Variants in USH2A observed in about 807,000 individuals in gnomAD.
USH2A encodes usherin, also known as Usher syndrome 2A (autosomal recessive, mild).
USH2A carries 443 observed loss-of-function variants against 538.9 expected under a neutral mutation model. The observed-to-expected ratio is 0.82, with a 90% confidence interval of 0.76 to 0.89. USH2A has a LOEUF of 0.89. Among genes scored for constraint, USH2A ranks in the 40% least tolerant of loss-of-function variants. The pLI is 0.00. For synonymous variants in USH2A, 2,413 were observed against 2,273.5 expected (o/e 1.06, Z -1.75); for missense variants, 6,633 against 6,324.8 (o/e 1.05, Z -1.65).
intron 13 of USH2A, among the ~76,000 whole-genome samples, chr1:216,240,554 A>C (rs1283426906): frequency 6.6e-6 from 1 of 151,980 alleles, no homozygotes; most frequent in Non-Finnish European, 1.5e-5. Flanking sequence ...AAGAAGAAAG[A>C]ATCTGATTAA....
intron 11 of USH2A, among the ~76,000 whole-genome samples, chr1:216,282,615 T>C (rs1161037716): frequency 6.6e-6 from 1 of 152,222 alleles, no homozygotes; most frequent in Non-Finnish European, 1.5e-5. Context: ...CCCAGTACCA[T>C]GCTGTCTTGA....
At chr1:215,815,473 G>A (rs141173782) in intron 48 of USH2A, among the ~76,000 whole-genome samples, 2 of 150,922 alleles carry the variant, frequency 1.3e-5, no homozygotes, top group East Asian at 3.9e-4. Flanking sequence ...TAAACTAACC[G>A]GTTCTTTGTC....
In USH2A at chr1:215,838,122, A is replaced by G; in HGVS notation, c.9259-19T>C. The G allele has an allele frequency of 3.8e-6, 6 of 1,595,658 alleles. No homozygotes were observed. Among genetic ancestry groups the G allele is most frequent in the Non-Finnish European group, 5.2e-6 (6 of 1,163,254 alleles). ...CTTCAACCTGCAAACATTAGTTTAG[A>G]AAAAATAAATGCAACCATTTTTGAA... On this transcript the variant is annotated intron_variant, in intron 46 of 71. Coordinates refer to ENST00000307340, the MANE Select transcript of USH2A (RefSeq NM_206933.4).
At chr1:216,362,926 C>T (rs1007864593) in intron 4 of USH2A, among the ~76,000 whole-genome samples, 20 of 148,828 alleles carry the variant, frequency 1.3e-4, no homozygotes, top group African/African-American at 2.2e-4. Context: ...GCGACAAGAG[C>T]GAAACTCCCT....
At chr1:216,104,006 C>T (rs1460945473) in intron 21 of USH2A, among the ~76,000 whole-genome samples, 1 of 152,100 alleles carries the variant, frequency 6.6e-6, no homozygotes, top group Non-Finnish European at 1.5e-5. Context: ...CTAAGTTAAA[C>T]ATATACCTAG....
Position 216,217,496 on chromosome 1 carries a change from C to A in USH2A, c.3048G>T (p.Leu1016Phe). 1 of 1,613,196 alleles carries A rather than the reference C, an allele frequency of 6.2e-7. No homozygotes were observed. The highest frequency in any genetic ancestry group is 8.5e-7 in the Non-Finnish European group (1 of 1,179,468). The change falls in exon 15 of 72, where the codon TTG becomes TTT. Residue 1016 changes from leucine (L) to phenylalanine (F), a missense_variant. Coordinates refer to ENST00000307340, the MANE Select transcript of USH2A (RefSeq NM_206933.4). ...GTTTACAGAAACACTGGCCTGTGAC[C>A]AAGTGACAGGTTTCATTCAAGGCTC... ...LSGALNETCH[L>F]VTGQCFCKQF...
intron 3 of USH2A, among the ~76,000 whole-genome samples, chr1:216,379,889 T>A (rs17026641): frequency 0.11 from 16,422 of 152,176 alleles, 2,616 homozygotes; most frequent in African/African-American, 0.34. Flanking sequence ...AAGGACAAGT[T>A]TATCAAAGAA....
chr1:216,381,710 T>C (rs1170752852), intron 3 of USH2A, among the ~76,000 whole-genome samples: 4 of 152,204 alleles, frequency 2.6e-5, no homozygotes, highest in Admixed American at 2.6e-4. Flanking sequence ...ATTTACTTCA[T>C]AAATTTCTTT....
intron 9 of USH2A, among the ~76,000 whole-genome samples, chr1:216,295,986 C>T (rs1482291834): frequency 6.6e-6 from 1 of 151,888 alleles, no homozygotes; most frequent in Non-Finnish European, 1.5e-5. Context: ...TACTTTTCCC[C>T]ACTAGTTCAA....
intron 32 of USH2A, among the ~76,000 whole-genome samples, chr1:216,031,437 AAATAC>A (rs1457765208): frequency 6.6e-6 from 1 of 152,198 alleles, no homozygotes; most frequent in African/African-American, 2.4e-5. Context: ...TAATGCATAT[AAATAC>A]AATACAATAG....
intron 21 of USH2A, among the ~76,000 whole-genome samples, chr1:216,165,797 GCAAA>G (rs2034155471): frequency 7.9e-6 from 1 of 126,392 alleles, no homozygotes; most frequent in African/African-American, 3.0e-5. Flanking sequence ...ACATAGATAA[GCAAA>G]CAACCAGTTT....
At chr1:216,387,410 A>G (rs972229824) in intron 3 of USH2A, among the ~76,000 whole-genome samples, 1 of 152,368 alleles carries the variant, frequency 6.6e-6, no homozygotes, top group East Asian at 1.9e-4. Flanking sequence ...ATCTGATGAA[A>G]AAAGAAACAA....
chr1:215,670,531 G>A (rs1382617567), intron 64 of USH2A, among the ~76,000 whole-genome samples: 1 of 152,142 alleles, frequency 6.6e-6, no homozygotes, highest in Non-Finnish European at 1.5e-5. Context: ...CAGGTGAGTT[G>A]TATTCCTCTA....
intron 38 of USH2A, among the ~76,000 whole-genome samples, chr1:215,917,565 A>G (rs954385142): frequency 2.4e-4 from 37 of 152,100 alleles, no homozygotes; most frequent in African/African-American, 7.7e-4. Flanking sequence ...AAATAAATTC[A>G]AGCTCAAGTC....
At chr1:215,783,840 G>T (rs907244230) in intron 52 of USH2A, among the ~76,000 whole-genome samples, 1 of 152,120 alleles carries the variant, frequency 6.6e-6, no homozygotes, top group African/African-American at 2.4e-5. Context: ...TGGCTGCCTG[G>T]CCACCTGCTC....
At chr1:215,897,590 A>G (rs1241773399) in intron 40 of USH2A, among the ~76,000 whole-genome samples, 2 of 151,782 alleles carry the variant, frequency 1.3e-5, no homozygotes, top group African/African-American at 4.8e-5. Context: ...TTGGGAGGCT[A>G]AGGCAGAAGA....
intron 44 of USH2A, among the ~76,000 whole-genome samples, chr1:215,862,835 C>T (rs1664354705): frequency 6.6e-6 from 1 of 152,112 alleles, no homozygotes; most frequent in Admixed American, 6.6e-5. Flanking sequence ...AATTCTAGGT[C>T]GTAGTGCCAA....
chr1:216,197,085 A>G (rs1220662808), intron 18 of USH2A, among the ~76,000 whole-genome samples: 1 of 152,126 alleles, frequency 6.6e-6, no homozygotes, highest in Non-Finnish European at 1.5e-5. Flanking sequence ...GTTCAGAAAA[A>G]TGCATGGTGA....
chr1:216,148,976 T>C (rs1341143791), intron 21 of USH2A, among the ~76,000 whole-genome samples: 1 of 151,942 alleles, frequency 6.6e-6, no homozygotes, highest in African/African-American at 2.4e-5. Context: ...TGTTACCTAT[T>C]TCGGCATAAT....
Sources: allele counts gnomAD v4.1 joint callset (sites outside exome capture counted in the v4.1 genomes callset), GRCh38; gene constraint gnomAD v4.1.1; transcripts MANE v1.5; gene names NCBI Gene and HGNC (gene_info 2026-07-23, HGNC 2026-07-21).